The following VPS13C variants were observed in gnomAD, a reference collection of about 807,000 sequenced individuals.
VPS13C encodes intermembrane lipid transfer protein VPS13C.
VPS13C carries 358 observed loss-of-function variants against 456.8 expected under a neutral mutation model. The observed-to-expected ratio is 0.78, with a 90% confidence interval of 0.72 to 0.86. The LOEUF (loss-of-function observed/expected upper bound fraction) is 0.86. VPS13C is among the 40% of genes least tolerant of loss of function. The pLI, the probability that VPS13C is intolerant of heterozygous loss-of-function variation, is 0.00. For synonymous variants in VPS13C, 1,578 were observed against 1,486.7 expected (o/e 1.06, Z -1.41); for missense variants, 4,818 against 4,385.4 (o/e 1.10, Z -2.79).
At chr15:61,938,041 C>G (rs1026807673) in intron 47 of VPS13C, among the ~76,000 whole-genome samples, 1 of 152,162 alleles carries the variant, frequency 6.6e-6, no homozygotes. Flanking sequence ...GTCCCTACCA[C>G]CAGAGAAATT....
intron 51 of VPS13C, among the ~76,000 whole-genome samples, chr15:61,927,526 G>C (rs948601367): frequency 2.6e-5 from 4 of 152,148 alleles, no homozygotes; most frequent in Admixed American, 6.5e-5. Context: ...TCTGATCCCT[G>C]TCCCAAGAAT....
Position 62,060,419 on chromosome 15 carries a change from G to C in VPS13C, c.-45C>G, listed in dbSNP as rs753238590. 11 of 1,030,674 alleles carry C rather than the reference G, an allele frequency of 1.1e-5. No homozygotes were observed. Among genetic ancestry groups the C allele is most frequent in the Non-Finnish European group, 1.5e-5 (10 of 685,030 alleles). The allele number at this position is 1,030,674 out of a possible 1,614,324, so 63.8% of individuals were successfully genotyped here. ...GAGAGGGAGGAGCCGGAACCGCCCG[G>C]CGCAGCTGAGGGCTGCGACCAGCGC... On this transcript the variant is annotated 5_prime_UTR_variant, in exon 1 of 85. Transcript: ENST00000644861.
chr15:62,049,292 G>A (rs573133759), intron 1 of VPS13C, among the ~76,000 whole-genome samples: 4,680 of 152,274 alleles, frequency 0.031, 109 homozygotes, highest in Non-Finnish European at 0.047. Context: ...AAGGTGTAAG[G>A]AAGGGATCCA....
chr15:62,041,437 A>T, intron 2 of VPS13C, 71 bp from the exon 3 acceptor site: 1 of 1,400,150 alleles, frequency 7.1e-7, no homozygotes, highest in Non-Finnish European at 9.9e-7. Context: ...CTTTTGTGTG[A>T]TCATTTAAAT....
rs1353851841 is a variant in VPS13C at position 61,920,247 on chromosome 15, G to A, written c.7297C>T (p.Pro2433Ser). 2.5e-6 allele frequency: 4 copies of A among 1,613,344 alleles called. No individual in the cohort carries two copies. The highest frequency in any genetic ancestry group is 1.7e-5 in the Admixed American group (1 of 59,970). Residue 2433 changes from proline to serine, a missense_variant, in exon 57 of 85, where the codon CCC becomes TCC. This residue lies in a region of VPS13C where 4,552 missense variants were observed against 4,130.6 expected (regional missense o/e 1.10). Transcript: ENST00000644861. ...PFTVKNAVGV[P>S]IKVKPNCNLR... ...TTACAATTGGGCTTCACCTTAATGG[G>A]AACACCTACAGCATTTTTTACCGTA...
intron 46 of VPS13C, among the ~76,000 whole-genome samples, chr15:61,941,214 A>G (rs1016091944): frequency 6.6e-6 from 1 of 152,206 alleles, no homozygotes; most frequent in Non-Finnish European, 1.5e-5. Context: ...GGGAAACTCA[A>G]CTAATCTAAA....
intron 9 of VPS13C, among the ~76,000 whole-genome samples, chr15:62,016,193 C>T (rs2047240451): frequency 6.6e-6 from 1 of 151,322 alleles, no homozygotes; most frequent in Non-Finnish European, 1.5e-5. Context: ...CTTATTGAGG[C>T]CCTCTCCATA....
intron 31 of VPS13C, 68 bp downstream of exon 31, chr15:61,964,631 G>C (rs922870534): frequency 5.6e-6 from 8 of 1,426,930 alleles, no homozygotes; most frequent in Non-Finnish European, 7.6e-6. Flanking sequence ...ATAGTCTCTA[G>C]TATTCCTCAT....
rs1237146525 is a variant in VPS13C, at chr15:62,007,611, C to T, written c.1119-132G>A. 4 of 700,690 alleles carry T rather than the reference C, an allele frequency of 5.7e-6. No homozygotes were observed. In the East Asian group the frequency reaches 1.2e-4, roughly 22 times the overall value. 43.4% of individuals were successfully genotyped at this position (700,690 alleles called of 1,614,324 possible). ...TAACTGTCTTCCTATAAGAGCTCAGCAATTCCCAGTAAAATTGTCTGACTT... is the reference window on the plus strand; with the variant it reads ...TAACTGTCTTCCTATAAGAGCTCAGTAATTCCCAGTAAAATTGTCTGACTT... On this transcript the variant is annotated intron_variant, in intron 14 of 84. Transcript: ENST00000644861.
At chr15:62,042,514 T>A (rs775356068) in intron 2 of VPS13C, among the ~76,000 whole-genome samples, 2 of 151,864 alleles carry the variant, frequency 1.3e-5, no homozygotes, top group Non-Finnish European at 2.9e-5. Flanking sequence ...AGTTAAAAAG[T>A]CTTTTTTAGA....
At chr15:61,917,676 C>T (rs553831586) in intron 59 of VPS13C, 41 bp from the exon 60 acceptor site, 1 of 1,568,090 alleles carries the variant, frequency 6.4e-7, no homozygotes. Context: ...TTTTGATCCA[C>T]AACTTAAAAA....
chr15:61,876,711 C>CTA (rs1417781707), intron 75 of VPS13C, among the ~76,000 whole-genome samples: 10 of 151,808 alleles, frequency 6.6e-5, no homozygotes, highest in Admixed American at 3.3e-4. Context: ...AGTATAATGA[C>CTA]TATAAAGTCA....
intron 11 of VPS13C, 57 bp from the exon 12 acceptor site, chr15:62,012,221 G>C (rs7495943): frequency 3.3e-5 from 17 of 511,086 alleles, no homozygotes; most frequent in East Asian, 7.4e-5. Context: ...TTCAGACTCA[G>C]ACACACACAC....
Position 61,868,743 on chromosome 15 carries a change from G to A in VPS13C, c.10779C>T (p.Ser3593=), listed in dbSNP as rs777282501. ...CATGGATCAGGCGAGGGGGACGGAG[G>A]CTAGATACTTCCTCAGTTGATTCTG... ...RAAESTEEVS[S]LRPPRLIHED... Residue 3593 remains serine, a synonymous_variant, in exon 81 of 85, where the codon AGC becomes AGT. Transcript: ENST00000644861. 1.2e-6 allele frequency: 2 copies of A among 1,614,072 alleles called. No homozygotes were observed. Among genetic ancestry groups the A allele is most frequent in the South Asian group, 1.1e-5 (1 of 91,054 alleles).
chr15:61,962,281 A>T, intron 34 of VPS13C, 90 bp downstream of exon 34: 1 of 1,245,480 alleles, frequency 8.0e-7, no homozygotes, highest in South Asian at 1.9e-5. Flanking sequence ...CCCACTCTAA[A>T]ATCCAAGGTT....
chr15:61,956,454 G>C (rs2140305230), intron 37 of VPS13C, among the ~76,000 whole-genome samples: 1 of 152,068 alleles, frequency 6.6e-6, no homozygotes, highest in East Asian at 1.9e-4. Flanking sequence ...AACAAACCTG[G>C]ACATGTACCC....
intron 24 of VPS13C, among the ~76,000 whole-genome samples, chr15:61,976,483 G>T (rs2045706606): frequency 6.6e-6 from 1 of 151,970 alleles, no homozygotes; most frequent in Non-Finnish European, 1.5e-5. Flanking sequence ...GGGACTGGGG[G>T]AAGAGAAATT....
intron 1 of VPS13C, among the ~76,000 whole-genome samples, chr15:62,049,352 A>G (rs994455309): frequency 2.6e-5 from 4 of 152,248 alleles, no homozygotes; most frequent in Admixed American, 2.6e-4. Flanking sequence ...ACCATTTATT[A>G]CATAGGGAAT....
rs191409158 is a variant in VPS13C at position 61,995,242 on chromosome 15, A to T, written c.1354-3440T>A. On this transcript the variant is annotated intron_variant, in intron 16 of 84. Transcript: ENST00000644861. ...CAAATAAAACTTCTGAACAAAATAT[A>T]AAAAAGATCTACCCGAGACTTTGAA... Among the ~76,000 whole-genome samples the T allele has an allele frequency of 3.2e-3, 484 of 152,240 alleles. 1 individual carries two copies. Among genetic ancestry groups the T allele is most frequent in the Non-Finnish European group, 5.2e-3 (354 of 68,004 alleles).
Sources: gnomAD v4.1 joint callset for allele counts (sites outside exome capture counted in the v4.1 genomes callset) on GRCh38, gnomAD v4.1.1 for gene constraint, gnomAD v4.1.1 regional missense constraint, MANE v1.5 for transcripts, NCBI Gene and HGNC (gene_info 2026-07-23, HGNC 2026-07-21) for gene names.